MALRD1: variants seen among roughly 807,000 people sequenced by gnomAD.
MALRD1 encodes the protein MAM and LDL-receptor class A domain-containing protein 1.
Under a neutral mutation model 242.1 loss-of-function variants are expected in MALRD1, and 247 were observed. The observed-to-expected ratio is 1.02, with a 90% CI of 0.92 to 1.13. The LOEUF (loss-of-function observed/expected upper bound fraction) is 1.13, where lower values mean the gene tolerates loss of function less well. Among genes scored for constraint, MALRD1 ranks in the 50% most tolerant of loss-of-function variants. The probability of loss-of-function intolerance (pLI) is 0.00; values close to 1 mark genes in which losing one functional copy is unlikely to be tolerated. For synonymous variants in MALRD1, 995 were observed against 866.6 expected (o/e 1.15, Z -2.60); for missense variants, 2,989 against 2,533.1 (o/e 1.18, Z -3.86).
chr10:19,608,858 A>G (rs1014733825), intron 35 of MALRD1, among the ~76,000 whole-genome samples: 2 of 152,086 alleles, frequency 1.3e-5, no homozygotes, highest in Non-Finnish European at 2.9e-5. Context: ...TAAAATGTGC[A>G]AAGATGGATA....
intron 32 of MALRD1, among the ~76,000 whole-genome samples, chr10:19,566,825 C>G (rs1188603553): frequency 6.6e-6 from 1 of 151,680 alleles, no homozygotes; most frequent in Non-Finnish European, 1.5e-5. Context: ...TAACTTTTTT[C>G]TCAATTATAG....
chr10:19,333,318 C>A (rs902555674), intron 24 of MALRD1, among the ~76,000 whole-genome samples: 1 of 152,028 alleles, frequency 6.6e-6, no homozygotes, highest in African/African-American at 2.4e-5. Context: ...CTCTAGTAGT[C>A]CCCAGCTCTT....
chr10:19,320,905 AC>A lies in MALRD1; in HGVS notation c.3420-3043del, dbSNP rs1444639866. On this transcript the variant is annotated intron_variant, in intron 21 of 39. Transcript: ENST00000454679. ...AAGTGTCTATTCATATCCTGTGCCT[AC>A]TTTTTGATGGGGTTGTTTTTTTTCT... Among the ~76,000 whole-genome samples the A allele has an allele frequency of 4.0e-5, 6 of 151,636 alleles. 1 individual carries two copies. The highest frequency in any genetic ancestry group is 3.9e-4 in the Admixed American group (6 of 15,212).
chr10:19,613,180 A>G (rs1191271558), intron 35 of MALRD1, among the ~76,000 whole-genome samples: 1 of 151,982 alleles, frequency 6.6e-6, no homozygotes, highest in Non-Finnish European at 1.5e-5. Context: ...TGACTTGAGG[A>G]AAAACCCTGA....
chr10:19,320,610 G>C (rs1285694427), intron 21 of MALRD1, among the ~76,000 whole-genome samples: 3 of 152,014 alleles, frequency 2.0e-5, no homozygotes, highest in African/African-American at 7.2e-5. Flanking sequence ...TGGGTCAAAT[G>C]GTATTTCTAG....
chr10:19,698,167 A>G (rs948926110), intron 38 of MALRD1, among the ~76,000 whole-genome samples: 30 of 152,186 alleles, frequency 2.0e-4, no homozygotes, highest in African/African-American at 6.5e-4. Flanking sequence ...TATAATTTCT[A>G]TATCCTGGAA....
intron 19 of MALRD1, among the ~76,000 whole-genome samples, chr10:19,259,643 C>T (rs1211660216): frequency 6.6e-6 from 1 of 152,056 alleles, no homozygotes; most frequent in African/African-American, 2.4e-5. Flanking sequence ...ATTATAGGAG[C>T]CATAATTCAA....
chr10:19,446,008 T>G (rs1834954629), intron 28 of MALRD1, among the ~76,000 whole-genome samples: 1 of 152,002 alleles, frequency 6.6e-6, no homozygotes, highest in Non-Finnish European at 1.5e-5. Context: ...TGGATGCCCC[T>G]CCTTCAGCCT....
chr10:19,171,459 C>CACACATG, intron 13 of MALRD1, among the ~76,000 whole-genome samples: 1 of 50,844 alleles, frequency 2.0e-5, no homozygotes, highest in Non-Finnish European at 4.8e-5. Context: ...TATATATATA[C>CACACATG]ACACATGTAT....
At chr10:19,151,612 G>C (rs1275126704) in intron 11 of MALRD1, among the ~76,000 whole-genome samples, 1 of 152,060 alleles carries the variant, frequency 6.6e-6, no homozygotes, top group Non-Finnish European at 1.5e-5. Flanking sequence ...TTCTCTCTCA[G>C]AGGAAAAGCT....
chr10:19,140,150 C>T (rs1833488766), intron 10 of MALRD1, among the ~76,000 whole-genome samples: 2 of 152,038 alleles, frequency 1.3e-5, no homozygotes, highest in Admixed American at 1.3e-4. Flanking sequence ...CCATTCATTT[C>T]CCATACATAG....
intron 36 of MALRD1, among the ~76,000 whole-genome samples, chr10:19,616,293 T>C (rs1273662802): frequency 6.6e-6 from 1 of 152,060 alleles, no homozygotes; most frequent in Admixed American, 6.6e-5. Context: ...TTCATTTCAA[T>C]GTTCTTATTT....
At chr10:19,731,407 C>T (rs1389865671) in intron 39 of MALRD1, among the ~76,000 whole-genome samples, 1 of 151,838 alleles carries the variant, frequency 6.6e-6, no homozygotes. Context: ...TTAAGGTATA[C>T]ATTATATTTT....
At chr10:19,503,688 C>T (rs567417506) in intron 31 of MALRD1, among the ~76,000 whole-genome samples, 1 of 152,304 alleles carries the variant, frequency 6.6e-6, no homozygotes, top group South Asian at 2.1e-4. Flanking sequence ...CACAATTAGA[C>T]TATCAACTCC....
intron 36 of MALRD1, among the ~76,000 whole-genome samples, chr10:19,652,039 C>T (rs1840919085): frequency 6.6e-6 from 1 of 152,168 alleles, no homozygotes; most frequent in African/African-American, 2.4e-5. Context: ...TGGGGCGATA[C>T]TGTCTCAGAA....
At chr10:19,214,437 A>G (rs1440048813) in intron 18 of MALRD1, among the ~76,000 whole-genome samples, 1 of 152,194 alleles carries the variant, frequency 6.6e-6, no homozygotes, top group African/African-American at 2.4e-5. Flanking sequence ...CATCATGGTC[A>G]TTGCAGAAGT....
At chr10:19,553,933 C>G (rs766041348) in intron 32 of MALRD1, among the ~76,000 whole-genome samples, 9 of 152,182 alleles carry the variant, frequency 5.9e-5, no homozygotes, top group Admixed American at 1.3e-4. Context: ...CTTTCCCATT[C>G]TTTCATTCTT....
intron 2 of MALRD1, among the ~76,000 whole-genome samples, chr10:19,067,380 C>T (rs1017919326): frequency 6.6e-6 from 1 of 152,046 alleles, no homozygotes; most frequent in Non-Finnish European, 1.5e-5. Context: ...TTCAACATTG[C>T]GTACCGGGTG....
chr10:19,104,964 A>C (rs1460839564), intron 5 of MALRD1, among the ~76,000 whole-genome samples: 1 of 152,122 alleles, frequency 6.6e-6, no homozygotes, highest in Non-Finnish European at 1.5e-5. Context: ...CCATTGTGTA[A>C]TGATTAAATC....
Sources: gnomAD v4.1 joint callset for allele counts (sites outside exome capture counted in the v4.1 genomes callset) on GRCh38, gnomAD v4.1.1 for gene constraint, MANE v1.5 for transcripts, NCBI Gene and HGNC (gene_info 2026-07-23, HGNC 2026-07-21) for gene names.